The following THAP11 variants were observed in gnomAD, a reference collection of about 807,000 sequenced individuals.
THAP11 encodes THAP domain containing 11.
In THAP11, 8 loss-of-function variants were observed where a neutral mutation model predicts 24.1. The ratio of observed to expected loss-of-function variants is 0.33; its 90% CI spans 0.20 to 0.60. THAP11 has a LOEUF of 0.60. THAP11 is among the 20% of genes least tolerant of loss of function. The pLI is 0.82. For synonymous variants in THAP11, 222 were observed against 180.2 expected, an observed-to-expected ratio of 1.23 and a Z score of -1.86; for missense variants, 276 against 418.4, an observed-to-expected ratio of 0.66 and a Z score of 2.97.
chr16:67,843,610 T>TAAGGCAGC lies in THAP11; in HGVS notation c.*112_*119dup, dbSNP rs1405292039. 2 of 1,126,656 alleles carry TAAGGCAGC rather than the reference T, an allele frequency of 1.8e-6. No homozygotes were observed. The highest frequency in any genetic ancestry group is 2.5e-6 in the Non-Finnish European group (2 of 802,640). 69.8% of individuals were successfully genotyped at this position (1,126,656 alleles called of 1,614,324 possible). On this transcript the variant is annotated 3_prime_UTR_variant, in exon 1 of 1. Coordinates refer to ENST00000303596, the MANE Select transcript of THAP11 (RefSeq NM_020457.3). This position sits in a 1 kb window ranked among gnomAD's most constrained non-coding sequence, Gnocchi z 5.7. ...GGCACTGGTTGACAGTACTGAGGCTTAAGGCAGCTGGACTCTCTTGCTGGT... is the reference window on the plus strand; with the variant it reads ...GGCACTGGTTGACAGTACTGAGGCTTAAGGCAGCAAGGCAGCTGGACTCTCTTGCTGGT...
chr16:67,842,532 G>A lies in THAP11; in HGVS notation c.-23G>A, dbSNP rs1348401864. On this transcript the variant is annotated 5_prime_UTR_variant, in exon 1 of 1. Coordinates refer to ENST00000303596, the MANE Select transcript of THAP11 (RefSeq NM_020457.3). This position sits in a 1 kb window ranked among gnomAD's most constrained non-coding sequence, Gnocchi z 4.9. ...GAAGAGCGCAGGAGGCCGGTGGGCC[G>A]GGCCGGGCCGCGCGGCGCAGCCATG... 6.7e-7 allele frequency: 1 copy of A among 1,487,384 alleles called. No individual in the cohort carries two copies. The highest frequency in any genetic ancestry group is 9.0e-7 in the Non-Finnish European group (1 of 1,116,370). 92.1% of individuals were successfully genotyped at this position (1,487,384 alleles called of 1,614,324 possible).
rs1175427224 is a variant in THAP11, at chr16:67,843,362, C to T, written c.808C>T (p.Leu270=). ...KLNEQRDILA[L]MEVKMKEMKG... ...GAATGAGCAGCGGGACATCCTGGCT[C>T]TGATGGAAGTGAAGATGAAAGAGAT... is the stretch of plus-strand genomic sequence containing the variant. Residue 270 remains leucine, a synonymous_variant, in exon 1 of 1, where the codon CTG becomes TTG. Transcript: ENST00000303596. This position sits in a 1 kb window ranked among gnomAD's most constrained non-coding sequence, Gnocchi z 5.7. 5 of 1,614,012 alleles carry T rather than the reference C, an allele frequency of 3.1e-6. No individual in the cohort carries two copies. Among genetic ancestry groups the T allele is most frequent in the Non-Finnish European group, 4.2e-6 (5 of 1,180,052 alleles).
Position 67,843,056 on chromosome 16 carries a change from C to G in THAP11, c.502C>G (p.Gln168Glu), listed in dbSNP as rs746714021. Residue 168 changes from glutamine to glutamate, a missense_variant, in exon 1 of 1, where the codon CAG (glutamine) becomes GAG (glutamate). By Grantham distance (29) the Gln-to-Glu change is conservative. This residue lies in a region of THAP11 where 210 missense variants were observed against 203.4 expected (regional missense o/e 1.03). Transcript: ENST00000303596. This position sits in a 1 kb window ranked among gnomAD's most constrained non-coding sequence, Gnocchi z 5.7. ...LTLQATVDSS[Q>E]APGSVQPAPI... Reference sequence around the variant, plus strand: ...CCTTCAGGCCACTGTAGACAGCAGTCAGGCTCCGGGATCCGTACAGCCGGC... The same window carrying G: ...CCTTCAGGCCACTGTAGACAGCAGTGAGGCTCCGGGATCCGTACAGCCGGC... The G allele has an allele frequency of 2.0e-5, 32 of 1,612,098 alleles. No homozygotes were observed. The highest frequency in any genetic ancestry group is 1.6e-4 in the Middle Eastern group (1 of 6,084).
In THAP11 at chr16:67,843,129, T is replaced by C; in HGVS notation, c.575T>C (p.Val192Ala). ...GEDVKPIDLT[V>A]QVEFAAAEGA... is the part of the protein sequence containing the mutation. ...GACGTGAAGCCCATCGATCTCACAGTGCAAGTGGAGTTTGCAGCCGCAGAG... is the reference window on the plus strand; with the variant it reads ...GACGTGAAGCCCATCGATCTCACAGCGCAAGTGGAGTTTGCAGCCGCAGAG... Residue 192 changes from valine (V) to alanine (A), a missense_variant, in exon 1 of 1, where the codon GTG becomes GCG. Physicochemically the swap from Val to Ala is moderately conservative, Grantham distance 64 (BLOSUM62 0). Coordinates refer to ENST00000303596, the MANE Select transcript of THAP11 (RefSeq NM_020457.3). This position sits in a 1 kb window ranked among gnomAD's most constrained non-coding sequence, Gnocchi z 5.7. The C allele has an allele frequency of 6.2e-7, 1 of 1,610,182 alleles. No homozygotes were observed. The highest frequency in any genetic ancestry group is 8.5e-7 in the Non-Finnish European group (1 of 1,179,638).
At position 67,842,891 on chromosome 16, in the gene THAP11, C is replaced by G; in HGVS notation, c.337C>G (p.Gln113Glu). Reference protein sequence around the residue: ...RQQQQQQQQQQQQQQQQQQQQ... With the variant: ...RQQQQQQQQQEQQQQQQQQQQ... ...GCAGCAGCAACAGCAGCAGCAGCAG[C>G]AACAGCAGCAACAGCAGCAGCAGCA... is the stretch of plus-strand genomic sequence containing the variant. Residue 113 changes from glutamine (Q) to glutamate (E), a missense_variant, in exon 1 of 1, where the codon CAA (glutamine) becomes GAA (glutamate). This residue lies in a region of THAP11 where 210 missense variants were observed against 203.4 expected (regional missense o/e 1.03). Coordinates refer to ENST00000303596, the MANE Select transcript of THAP11 (RefSeq NM_020457.3). This position sits in a 1 kb window ranked among gnomAD's most constrained non-coding sequence, Gnocchi z 4.9. 6.3e-7 allele frequency: 1 copy of G among 1,585,712 alleles called. No individual in the cohort carries two copies.
chr16:67,843,579 C>A lies in THAP11; in HGVS notation c.*80C>A. ...CAGGCCATTGTTGAACTCCTCTATA[C>A]TCCTGGGCACTGGTTGACAGTACTG... On this transcript the variant is annotated 3_prime_UTR_variant, in exon 1 of 1. Coordinates refer to ENST00000303596, the MANE Select transcript of THAP11 (RefSeq NM_020457.3). The surrounding 1 kb of genome is among the most constrained non-coding windows in gnomAD (Gnocchi z 5.7). 3 of 1,395,042 alleles carry A rather than the reference C, an allele frequency of 2.2e-6. No individual in the cohort carries two copies. Among genetic ancestry groups the A allele is most frequent in the Non-Finnish European group, 1.9e-6 (2 of 1,026,540 alleles). The allele number at this position is 1,395,042 out of a possible 1,614,324, so 86.4% of individuals were successfully genotyped here.
At position 67,843,292 on chromosome 16, in the gene THAP11, C is replaced by T. The variant is rs747261362; in HGVS notation, c.738C>T (p.Tyr246=). 6.8e-6 allele frequency: 11 copies of T among 1,613,746 alleles called. No individual in the cohort carries two copies. The highest frequency in any genetic ancestry group is 1.7e-5 in the Admixed American group (1 of 60,004). ...CTGATACTGGCTCCGACCATTCGTA[C>T]TCCTTGTCGTCAGGCACCACGGAGG... is the stretch of plus-strand genomic sequence containing the variant. ...GFPDTGSDHS[Y]SLSSGTTEEE... The change falls in exon 1 of 1, where the codon TAC becomes TAT. Residue 246 remains tyrosine, a synonymous_variant. Coordinates refer to ENST00000303596, the MANE Select transcript of THAP11 (RefSeq NM_020457.3). This position sits in a 1 kb window ranked among gnomAD's most constrained non-coding sequence, Gnocchi z 5.7.
chr16:67,842,837 G>T lies in THAP11; in HGVS notation c.283G>T (p.Ala95Ser). Reference sequence around the variant, plus strand: ...TGAGCGCAAAGTAGCGCGCAGACCCGCTGGGGCCGCGGCCGCCCGCCGCAG... The same window carrying T: ...TGAGCGCAAAGTAGCGCGCAGACCCTCTGGGGCCGCGGCCGCCCGCCGCAG... Reference protein sequence around the residue: ...VNERKVARRPAGAAAARRRQQ... With the variant: ...VNERKVARRPSGAAAARRRQQ... The change falls in exon 1 of 1, where the codon GCT (alanine) becomes TCT (serine). Residue 95 changes from alanine (A) to serine (S), a missense_variant. This residue lies in a region of THAP11 where 210 missense variants were observed against 203.4 expected (regional missense o/e 1.03). Transcript: ENST00000303596. This position sits in a 1 kb window ranked among gnomAD's most constrained non-coding sequence, Gnocchi z 4.9. 4 of 1,608,062 alleles carry T rather than the reference G, an allele frequency of 2.5e-6. No homozygotes were observed. The highest frequency in any genetic ancestry group is 3.4e-6 in the Non-Finnish European group (4 of 1,179,066).
rs377516180 is a variant in THAP11 at position 67,842,920 on chromosome 16, A to ACAGCAGCAG, written c.388_396dup (p.Gln130_Gln132dup). 5.9e-4 allele frequency: 927 copies of ACAGCAGCAG among 1,579,902 alleles called. No homozygotes were observed. The highest frequency in any genetic ancestry group is 7.2e-4 in the Non-Finnish European group (834 of 1,160,218). On this transcript the variant is annotated inframe_insertion, in exon 1 of 1. Coordinates refer to ENST00000303596, the MANE Select transcript of THAP11 (RefSeq NM_020457.3). The surrounding 1 kb of genome is among the most constrained non-coding windows in gnomAD (Gnocchi z 4.9). ...AGCAGCAACAGCAGCAGCAGCAGCA[A>ACAGCAGCAG]CAGCAGCAGCAGCAGCAGCAGCAGC... is the stretch of plus-strand genomic sequence containing the variant.
chr16:67,843,023 C>G lies in THAP11; in HGVS notation c.469C>G (p.Leu157Val), dbSNP rs75778351. 3.7e-5 allele frequency: 60 copies of G among 1,612,576 alleles called. No homozygotes were observed. In the East Asian group the frequency reaches 1.3e-3, roughly 34 times the overall value. ...PNLVSASAAVLLTLQATVDSS... is the reference protein window; with the variant it reads ...PNLVSASAAVVLTLQATVDSS... ...CCTGGTATCTGCTTCCGCGGCCGTG[C>G]TTCTCACCCTTCAGGCCACTGTAGA... is the stretch of plus-strand genomic sequence containing the variant. The change falls in exon 1 of 1, where the codon CTT (leucine) becomes GTT (valine). Residue 157 changes from leucine (L) to valine (V), a missense_variant. Physicochemically the swap from Leu to Val is conservative, Grantham distance 32. Coordinates refer to ENST00000303596, the MANE Select transcript of THAP11 (RefSeq NM_020457.3). The surrounding 1 kb of genome is among the most constrained non-coding windows in gnomAD (Gnocchi z 5.7).
At position 67,843,961 on chromosome 16, in the gene THAP11, T is replaced by G. The variant is rs2057781727; in HGVS notation, c.*462T>G. ...TTTCCTTCCCAGGTGCAGCCTGTGA[T>G]TCTGATGGGGACTGGTAAATCTGTG... is the stretch of plus-strand genomic sequence containing the variant. On this transcript the variant is annotated 3_prime_UTR_variant, in exon 1 of 1. Coordinates refer to ENST00000303596, the MANE Select transcript of THAP11 (RefSeq NM_020457.3). This position sits in a 1 kb window ranked among gnomAD's most constrained non-coding sequence, Gnocchi z 5.7. 1 of 169,538 alleles carries G rather than the reference T, an allele frequency of 5.9e-6. No individual in the cohort carries two copies. The highest frequency in any genetic ancestry group is 2.4e-5 in the African/African-American group (1 of 41,476). 10.5% of individuals were successfully genotyped at this position (169,538 alleles called of 1,614,324 possible).
Position 67,842,441 on chromosome 16 carries a change from A to C in THAP11, c.-114A>C. ...CTGCGCCGAGCGGCAGTGGTGGGAT[A>C]CCACCCAAGGCCTCGCGCGGCGCCG... is the stretch of plus-strand genomic sequence containing the variant. On this transcript the variant is annotated 5_prime_UTR_variant, in exon 1 of 1. Transcript: ENST00000303596. This position sits in a 1 kb window ranked among gnomAD's most constrained non-coding sequence, Gnocchi z 4.9. 2.7e-6 allele frequency: 2 copies of C among 749,802 alleles called. No homozygotes were observed. The highest frequency in any genetic ancestry group is 3.6e-6 in the Non-Finnish European group (2 of 561,448). 46.4% of individuals were successfully genotyped at this position (749,802 alleles called of 1,614,324 possible).
rs753006554 is a variant in THAP11 at position 67,844,169 on chromosome 16, CAAATT to C, written c.*674_*678del. On this transcript the variant is annotated 3_prime_UTR_variant, in exon 1 of 1. Transcript: ENST00000303596. ...TTTTCACTGTGTTTGTTTGGCAAAA[CAAATT>C]AAACAAAAAGTAAGGTTTTTATTTG... The C allele has an allele frequency of 1.1e-4, 18 of 166,668 alleles. No individual in the cohort carries two copies. Among genetic ancestry groups the C allele is most frequent in the Admixed American group, 2.6e-4 (4 of 15,292 alleles). 10.3% of individuals were successfully genotyped at this position (166,668 alleles called of 1,614,324 possible).
Position 67,842,455 on chromosome 16 carries a change from C to T in THAP11, c.-100C>T. Reference sequence around the variant, plus strand: ...AGTGGTGGGATACCACCCAAGGCCTCGCGCGGCGCCGCCCGTCGAGGGGCG... The same window carrying T: ...AGTGGTGGGATACCACCCAAGGCCTTGCGCGGCGCCGCCCGTCGAGGGGCG... On this transcript the variant is annotated 5_prime_UTR_variant, in exon 1 of 1. Coordinates refer to ENST00000303596, the MANE Select transcript of THAP11 (RefSeq NM_020457.3). The surrounding 1 kb of genome is among the most constrained non-coding windows in gnomAD (Gnocchi z 4.9). 2.0e-6 allele frequency: 2 copies of T among 993,406 alleles called. No homozygotes were observed. The highest frequency in any genetic ancestry group is 2.6e-6 in the Non-Finnish European group (2 of 773,086). 61.5% of individuals were successfully genotyped at this position (993,406 alleles called of 1,614,324 possible).
Position 67,842,854 on chromosome 16 carries a change from C to G in THAP11, c.300C>G (p.Ala100=), listed in dbSNP as rs1382130494. The part of the protein sequence containing the change: ...VARRPAGAAA[A]RRRQQQQQQQ... ...GCAGACCCGCTGGGGCCGCGGCCGC[C>G]CGCCGCAGGCAGCAGCAGCAACAGC... Residue 100 remains alanine (A), a synonymous_variant, in exon 1 of 1, where the codon GCC becomes GCG. Transcript: ENST00000303596. The surrounding 1 kb of genome is among the most constrained non-coding windows in gnomAD (Gnocchi z 4.9). 1 of 1,609,264 alleles carries G rather than the reference C, an allele frequency of 6.2e-7. No homozygotes were observed. The highest frequency in any genetic ancestry group is 1.3e-5 in the African/African-American group (1 of 74,694).
Position 67,843,024 on chromosome 16 carries a change from T to C in THAP11, c.470T>C (p.Leu157Pro). 1 of 1,612,630 alleles carries C rather than the reference T, an allele frequency of 6.2e-7. No homozygotes were observed. The highest frequency in any genetic ancestry group is 8.5e-7 in the Non-Finnish European group (1 of 1,180,026). Residue 157 changes from leucine (L) to proline (P), a missense_variant, in exon 1 of 1, where the codon CTT (leucine) becomes CCT (proline). Leu to Pro is a moderately conservative substitution (Grantham distance 98). This residue lies in a region of THAP11 where 210 missense variants were observed against 203.4 expected (regional missense o/e 1.03). Coordinates refer to ENST00000303596, the MANE Select transcript of THAP11 (RefSeq NM_020457.3). This position sits in a 1 kb window ranked among gnomAD's most constrained non-coding sequence, Gnocchi z 5.7. ...PNLVSASAAVLLTLQATVDSS... is the reference protein window; with the variant it reads ...PNLVSASAAVPLTLQATVDSS... ...CTGGTATCTGCTTCCGCGGCCGTGC[T>C]TCTCACCCTTCAGGCCACTGTAGAC... is the stretch of plus-strand genomic sequence containing the variant.
Position 67,843,608 on chromosome 16 carries a change from C to A in THAP11, c.*109C>A. 1 of 1,124,692 alleles carries A rather than the reference C, an allele frequency of 8.9e-7. No homozygotes were observed. The highest frequency in any genetic ancestry group is 1.3e-6 in the Non-Finnish European group (1 of 799,886). 69.7% of individuals were successfully genotyped at this position (1,124,692 alleles called of 1,614,324 possible). On this transcript the variant is annotated 3_prime_UTR_variant, in exon 1 of 1. Transcript: ENST00000303596. This position sits in a 1 kb window ranked among gnomAD's most constrained non-coding sequence, Gnocchi z 5.7. ...TGGGCACTGGTTGACAGTACTGAGG[C>A]TTAAGGCAGCTGGACTCTCTTGCTG...
Position 67,843,104 on chromosome 16 carries a change from G to A in THAP11, c.550G>A (p.Asp184Asn). 2 of 1,610,964 alleles carry A rather than the reference G, an allele frequency of 1.2e-6. No homozygotes were observed. The highest frequency in any genetic ancestry group is 1.1e-5 in the South Asian group (1 of 91,082). ...GGCGCCCATCACTCCCACTGGAGAA[G>A]ACGTGAAGCCCATCGATCTCACAGT... ...QPAPITPTGE[D>N]VKPIDLTVQV... Residue 184 changes from aspartate (D) to asparagine (N), a missense_variant, in exon 1 of 1, where the codon GAC (aspartate) becomes AAC (asparagine). By Grantham distance (23) the Asp-to-Asn change is conservative. Around this residue, in one of 3 missense-constraint regions of THAP11, gnomAD observed 210 missense variants for 203.4 expected, o/e 1.03. Transcript: ENST00000303596. The surrounding 1 kb of genome is among the most constrained non-coding windows in gnomAD (Gnocchi z 5.7).
chr16:67,842,875 A>AG lies in THAP11; in HGVS notation c.321_322insG (p.Gln108AlafsTer132). The AG allele has an allele frequency of 6.2e-7, 1 of 1,600,144 alleles. No individual in the cohort carries two copies. Among genetic ancestry groups the AG allele is most frequent in the Non-Finnish European group, 8.5e-7 (1 of 1,171,940 alleles). On this transcript the variant is annotated frameshift_variant, in exon 1 of 1. Coordinates refer to ENST00000303596, the MANE Select transcript of THAP11 (RefSeq NM_020457.3). LOFTEE classifies it high-confidence loss of function. This position sits in a 1 kb window ranked among gnomAD's most constrained non-coding sequence, Gnocchi z 4.9. ...CCGCCCGCCGCAGGCAGCAGCAGCA[A>AG]CAGCAGCAGCAGCAGCAACAGCAGC...
Sources: gnomAD v4.1 joint callset for allele counts on GRCh38, gnomAD v4.1.1 for gene constraint, gnomAD v4.1.1 regional missense constraint, Gnocchi (gnomAD v3.1) non-coding constraint, MANE v1.5 for transcripts, NCBI Gene and HGNC (gene_info 2026-07-23, HGNC 2026-07-21) for gene names.